The following KCNN3 variants were observed in gnomAD, a reference collection of about 807,000 sequenced individuals.
KCNN3 encodes potassium calcium-activated channel subfamily N member 3.
In KCNN3, 16 loss-of-function variants were observed where a neutral mutation model predicts 62.9. That is an observed-to-expected ratio of 0.25 (90% CI 0.17 to 0.39). The LOEUF is 0.39. Among genes scored for constraint, KCNN3 ranks in the 10% least tolerant of loss-of-function variants. The pLI, the probability that KCNN3 is intolerant of heterozygous loss-of-function variation, is 1.00. For synonymous variants in KCNN3, 370 were observed against 389.2 expected (o/e 0.95, Z 0.58); for missense variants, 599 against 949.4 (o/e 0.63, Z 4.85).
chr1:154,814,444 G>C (rs780429231), intron 2 of KCNN3, among the ~76,000 whole-genome samples: 4 of 151,272 alleles, frequency 2.6e-5, no homozygotes, highest in African/African-American at 7.4e-5. Context: ...CATAAGACAC[G>C]CAGGGACAAG....
intron 1 of KCNN3, among the ~76,000 whole-genome samples, chr1:154,854,951 C>T (rs1558008718): frequency 6.6e-6 from 1 of 152,186 alleles, no homozygotes; most frequent in South Asian, 2.1e-4. Context: ...AGCGCAGTGG[C>T]TCATGCCTGT....
rs751137464 is a variant in KCNN3 at position 154,733,196 on chromosome 1, A to G, written c.1449-52T>C. Reference sequence around the variant, plus strand: ...CGATGAACAGCCATTCCTGGGAGTAAGGGCTGTGGGCAAACCTAGAGCGGG... The same window carrying G: ...CGATGAACAGCCATTCCTGGGAGTAGGGGCTGTGGGCAAACCTAGAGCGGG... On this transcript the variant is annotated intron_variant, in intron 3 of 7. Transcript: ENST00000271915. 2.5e-6 allele frequency: 4 copies of G among 1,600,430 alleles called. No individual in the cohort carries two copies. The East Asian group carries it at 6.7e-5, about 27-fold the overall frequency.
chr1:154,754,452 G>A (rs553202049), intron 3 of KCNN3, among the ~76,000 whole-genome samples: 23 of 152,284 alleles, frequency 1.5e-4, no homozygotes, highest in African/African-American at 4.6e-4. Flanking sequence ...TAGTAAGAGC[G>A]CCCAGGAAGG....
Position 154,715,392 on chromosome 1 carries a change from C to T in KCNN3, c.1702-389G>A, listed in dbSNP as rs566151003. Among the ~76,000 whole-genome samples, 47 of 143,358 alleles carry T rather than the reference C, an allele frequency of 3.3e-4. No homozygotes were observed. The Middle Eastern group carries it at 0.015, about 47-fold the overall frequency. 94.0% of individuals were successfully genotyped at this position (143,358 alleles called of 152,430 possible). ...CAGAGGTTGCTGTGAGCTGAGATCA[C>T]GCCATACTCCAGCCTTGGCAACAAG... On this transcript the variant is annotated intron_variant, in intron 5 of 7. Transcript: ENST00000271915.
chr1:154,739,618 CCTTTT>C (rs1188348145), intron 3 of KCNN3, among the ~76,000 whole-genome samples: 76 of 152,334 alleles, frequency 5.0e-4, no homozygotes, highest in African/African-American at 1.4e-3. Context: ...GCAATCCTTT[CCTTTT>C]GAGTGTGGGC....
In KCNN3 at chr1:154,869,458, G is replaced by A; in HGVS notation, c.507C>T (p.Pro169=). The A allele has an allele frequency of 1.9e-6, 3 of 1,614,110 alleles. No individual in the cohort carries two copies. Among genetic ancestry groups the A allele is most frequent in the Non-Finnish European group, 2.5e-6 (3 of 1,179,996 alleles). The change falls in exon 1 of 8, where the codon CCC becomes CCT. Residue 169 remains proline, a synonymous_variant. Transcript: ENST00000271915. The surrounding 1 kb of genome is among the most constrained non-coding windows in gnomAD (Gnocchi z 6.1). ...AGGAGCTCATGGCGATCTCCGTGAA[G>A]GGGTTGCTGTCCCGCCGGTGCACCA... ...SPLVHRRDSN[P]FTEIAMSSCK...
At chr1:154,713,220 CAG>C (rs891988977) in intron 7 of KCNN3, among the ~76,000 whole-genome samples, 1 of 152,198 alleles carries the variant, frequency 6.6e-6, no homozygotes, top group African/African-American at 2.4e-5. Flanking sequence ...TAATTTCACG[CAG>C]AGACACACCT....
chr1:154,826,969 G>A (rs1027667224), intron 1 of KCNN3, among the ~76,000 whole-genome samples: 2 of 151,908 alleles, frequency 1.3e-5, no homozygotes, highest in African/African-American at 4.8e-5. Context: ...GTGTATGGTT[G>A]TGTGTGTGTG....
In KCNN3 at chr1:154,759,605, CACTA is replaced by C. The variant is rs1213410789; in HGVS notation, c.1448+12366_1448+12369del. Among the ~76,000 whole-genome samples, 5 of 152,314 alleles carry C rather than the reference CACTA, an allele frequency of 3.3e-5. No homozygotes were observed. In the East Asian group the frequency reaches 9.6e-4, roughly 29 times the overall value. On this transcript the variant is annotated intron_variant, in intron 3 of 7. Transcript: ENST00000271915. ...CTTCTCTCCTACACACCCAGCATGG[CACTA>C]ACTGTCACTGTGTACCATCTTTGGC...
intron 1 of KCNN3, among the ~76,000 whole-genome samples, chr1:154,856,483 G>A (rs1457807614): frequency 1.3e-5 from 2 of 152,146 alleles, no homozygotes; most frequent in Non-Finnish European, 2.9e-5. Flanking sequence ...CAGATGGCCA[G>A]TGCAGGAAAC....
intron 2 of KCNN3, among the ~76,000 whole-genome samples, chr1:154,796,779 T>C (rs556733223): frequency 1.3e-5 from 2 of 152,318 alleles, no homozygotes; most frequent in African/African-American, 2.4e-5. Context: ...TCCGGTGGCA[T>C]TGGTCAATAA....
At chr1:154,860,528 C>T (rs181212089) in intron 1 of KCNN3, among the ~76,000 whole-genome samples, 1 of 152,312 alleles carries the variant, frequency 6.6e-6, no homozygotes, top group African/African-American at 2.4e-5. Context: ...CTCCAGAAGT[C>T]CAGCCCAGGC....
At chr1:154,863,255 T>G (rs543954304) in intron 1 of KCNN3, among the ~76,000 whole-genome samples, 1 of 152,228 alleles carries the variant, frequency 6.6e-6, no homozygotes, top group African/African-American at 2.4e-5. Context: ...TAAAAACCCA[T>G]TCGCCTCCTC....
intron 7 of KCNN3, 22 bp from the exon 8 acceptor site, chr1:154,708,294 A>G (rs1255511375): frequency 6.2e-7 from 1 of 1,610,594 alleles, no homozygotes; most frequent in Non-Finnish European, 8.5e-7. Flanking sequence ...GAGAGAGGCG[A>G]GAGACAGGGA....
intron 1 of KCNN3, among the ~76,000 whole-genome samples, chr1:154,838,676 G>C (rs760308105): frequency 3.9e-4 from 60 of 152,256 alleles, no homozygotes; most frequent in Middle Eastern, 6.8e-3. Flanking sequence ...CTACCCTCCA[G>C]AGCTGCCTCC....
intron 2 of KCNN3, among the ~76,000 whole-genome samples, chr1:154,815,173 A>G (rs1419768203): frequency 6.6e-6 from 1 of 152,096 alleles, no homozygotes; most frequent in African/African-American, 2.4e-5. Flanking sequence ...CGGAGGTTCA[A>G]TGAAGGTATT....
chr1:154,749,006 C>A (rs1303308468), intron 3 of KCNN3, among the ~76,000 whole-genome samples: 1 of 152,080 alleles, frequency 6.6e-6, no homozygotes, highest in Non-Finnish European at 1.5e-5. Context: ...CTTGGAGGAG[C>A]CCTGTCTTTG....
intron 1 of KCNN3, chr1:154,868,230 C>A: frequency 2.0e-6 from 2 of 985,524 alleles, no homozygotes; most frequent in Non-Finnish European, 2.4e-6. Context: ...GATTCCAAGG[C>A]GGCGCCCAGC....
intron 1 of KCNN3, among the ~76,000 whole-genome samples, chr1:154,846,527 C>T (rs1652066828): frequency 2.0e-5 from 3 of 152,134 alleles, no homozygotes; most frequent in Admixed American, 1.3e-4. Context: ...TAACAAAAAC[C>T]AGACTTTTTG....
Sources: allele counts gnomAD v4.1 joint callset (sites outside exome capture counted in the v4.1 genomes callset), GRCh38; gene constraint gnomAD v4.1.1; non-coding constraint Gnocchi (gnomAD v3.1); transcripts MANE v1.5; gene names NCBI Gene and HGNC (gene_info 2026-07-23, HGNC 2026-07-21).